TSGA10: variants seen among roughly 807,000 people sequenced by gnomAD.
The protein encoded by TSGA10 is testis-specific gene 10 protein.
In TSGA10, 43 loss-of-function variants were observed where a neutral mutation model predicts 96.6. That is an observed-to-expected ratio of 0.44 (90% CI 0.35 to 0.57). The LOEUF (loss-of-function observed/expected upper bound fraction) is 0.57. Among genes scored for constraint, TSGA10 ranks in the 20% least tolerant of loss-of-function variants. The pLI is 0.01. For synonymous variants in TSGA10, 229 were observed against 269.9 expected, an observed-to-expected ratio of 0.85 and a Z score of 1.48; for missense variants, 703 against 834.4, an observed-to-expected ratio of 0.84 and a Z score of 1.94.
chr2:99,057,404 T>C (rs1422618664), intron 16 of TSGA10, among the ~76,000 whole-genome samples: 1 of 152,154 alleles, frequency 6.6e-6, no homozygotes, highest in Non-Finnish European at 1.5e-5. Context: ...TTCAGCAAGG[T>C]TGCAGGATAC....
chr2:99,081,584 T>A (rs1445878702), intron 10 of TSGA10, among the ~76,000 whole-genome samples, 187 bp from the exon 11 acceptor site: 1 of 152,214 alleles, frequency 6.6e-6, no homozygotes, highest in Non-Finnish European at 1.5e-5. Flanking sequence ...GGATCTTCAA[T>A]CCACCACTCC....
chr2:99,031,955 A>C (rs1363024188), intron 17 of TSGA10, among the ~76,000 whole-genome samples: 3 of 152,212 alleles, frequency 2.0e-5, no homozygotes, highest in Non-Finnish European at 4.4e-5. Context: ...ATTAGCAGAG[A>C]GGTTTGACTG....
rs201138854 is a variant in TSGA10 at position 99,104,011 on chromosome 2, G to C, written c.567C>G (p.Thr189=). 9.9e-6 allele frequency: 16 copies of C among 1,613,930 alleles called. No homozygotes were observed. Among genetic ancestry groups the C allele is most frequent in the Admixed American group, 1.7e-5 (1 of 60,016 alleles). ...CTTTTTGTCTGCCAAGTTCACTTTCGGTATCCATTGCCTTTCTTGCTAGTG... is the reference window on the plus strand; with the variant it reads ...CTTTTTGTCTGCCAAGTTCACTTTCCGTATCCATTGCCTTTCTTGCTAGTG... The part of the protein sequence containing the change: ...MKSLARKAMD[T]ESELGRQKAE... The change falls in exon 10 of 21, where the codon ACC becomes ACG. Residue 189 remains threonine (T), a synonymous_variant. Transcript: ENST00000393483.
At chr2:99,005,261 T>G (rs2078354932) in intron 20 of TSGA10, among the ~76,000 whole-genome samples, 1 of 152,148 alleles carries the variant, frequency 6.6e-6, no homozygotes, top group African/African-American at 2.4e-5. Flanking sequence ...TCACCACTCT[T>G]ATTCAACATT....
At chr2:98,999,059 CTAA>C (rs1265189765) in intron 20 of TSGA10, among the ~76,000 whole-genome samples, 23 of 152,150 alleles carry the variant, frequency 1.5e-4, no homozygotes, top group African/African-American at 5.5e-4. Context: ...CCACGCCCAG[CTAA>C]TGTTTGTATT....
At chr2:99,102,464 G>C in intron 10 of TSGA10, 1 of 1,613,742 alleles carries the variant, frequency 6.2e-7, no homozygotes. Context: ...AGAAATCCTT[G>C]GTAGCCCTTG....
intron 20 of TSGA10, among the ~76,000 whole-genome samples, chr2:99,010,362 G>A (rs1336090126): frequency 4.6e-5 from 7 of 152,156 alleles, no homozygotes; most frequent in Non-Finnish European, 8.8e-5. Context: ...CATATCCTTC[G>A]AAAGAAGTGG....
At chr2:99,038,343 C>T (rs7598571) in intron 16 of TSGA10, among the ~76,000 whole-genome samples, 148 of 152,196 alleles carry the variant, frequency 9.7e-4, no homozygotes, top group African/African-American at 3.4e-3. Context: ...AAATGCTCTA[C>T]CTAAAAGACA....
rs750918485 is a variant in TSGA10, at chr2:99,020,460, G to C, written c.1637C>G (p.Ala546Gly). The C allele has an allele frequency of 2.5e-5, 41 of 1,612,716 alleles. No homozygotes were observed. The highest frequency in any genetic ancestry group is 3.4e-5 in the Non-Finnish European group (40 of 1,179,008). The change falls in exon 18 of 21, where the codon GCT (alanine) becomes GGT (glycine). Residue 546 changes from alanine to glycine, a missense_variant. Around this residue, in one of 3 missense-constraint regions of TSGA10, gnomAD observed 585 missense variants for 656.8 expected, o/e 0.89. Transcript: ENST00000393483. ...CCTCAGGAGTTCAATTTCAGAATGA[G>C]CAGAATCTAACTCATTCTCCCTCTG... Reference protein sequence around the residue: ...IEMRENELDSAHSEIELLRSQ... With the variant: ...IEMRENELDSGHSEIELLRSQ...
chr2:99,079,481 C>G (rs1288148068), intron 11 of TSGA10, among the ~76,000 whole-genome samples: 2 of 152,182 alleles, frequency 1.3e-5, no homozygotes, highest in Non-Finnish European at 2.9e-5. Flanking sequence ...CATTCTTATG[C>G]CTCCACTCCA....
At chr2:99,152,925 T>A (rs1414572203) in intron 1 of TSGA10, among the ~76,000 whole-genome samples, 1 of 152,196 alleles carries the variant, frequency 6.6e-6, no homozygotes, top group African/African-American at 2.4e-5. Flanking sequence ...CTAAAAAATA[T>A]AAATTTTGAA....
Position 99,092,869 on chromosome 2 carries a change from A to G in TSGA10, c.611+11098T>C, listed in dbSNP as rs117784616. ...CCAATTCTACTAAAACTATTCTACA[A>G]GATAAAGAGGGAATTTTCCCTAAAT... On this transcript the variant is annotated intron_variant, in intron 10 of 20. Transcript: ENST00000393483. Among the ~76,000 whole-genome samples, 137 of 152,268 alleles carry G rather than the reference A, an allele frequency of 9.0e-4. 3 individuals carry two copies. In the East Asian group the frequency reaches 0.025, roughly 27 times the overall value.
intron 14 of TSGA10, among the ~76,000 whole-genome samples, chr2:99,070,207 T>G (rs529935021): frequency 6.6e-6 from 1 of 152,310 alleles, no homozygotes; most frequent in East Asian, 1.9e-4. Flanking sequence ...AAGCTAATAA[T>G]AGCTATAAAA....
At chr2:99,052,515 G>T (rs2083496580) in intron 16 of TSGA10, among the ~76,000 whole-genome samples, 1 of 152,042 alleles carries the variant, frequency 6.6e-6, no homozygotes, top group Non-Finnish European at 1.5e-5. Flanking sequence ...TAGGAGGGCG[G>T]ATCACGAGGT....
chr2:99,018,829 A>C (rs1209015187), intron 18 of TSGA10, among the ~76,000 whole-genome samples, 189 bp from the exon 19 acceptor site: 1 of 152,180 alleles, frequency 6.6e-6, no homozygotes, highest in Non-Finnish European at 1.5e-5. Context: ...AGAGTAGCCT[A>C]CTTGAAAAGC....
intron 16 of TSGA10, among the ~76,000 whole-genome samples, chr2:99,063,414 G>T (rs2084912163): frequency 6.6e-6 from 1 of 152,116 alleles, no homozygotes. Flanking sequence ...TGTTTATACT[G>T]CAAGGAAGGT....
chr2:99,076,622 TGAGCATCACAGCAGAGAAGG>T (rs1188983498), intron 12 of TSGA10, among the ~76,000 whole-genome samples: 2 of 152,028 alleles, frequency 1.3e-5, no homozygotes, highest in Admixed American at 1.3e-4. Flanking sequence ...AAGGTTGCAA[TGAGCATCACAGCAGAGAAGG>T]GACTGTATGC....
In TSGA10 at chr2:99,059,080, T is replaced by TTATATATATATATATTTATATATTTA. The variant is rs2084355212; in HGVS notation, c.1404+5858_1404+5859insTAAATATATAAATATATATATATATA. 9.2e-5 allele frequency among the ~76,000 whole-genome samples: 5 copies of TTATATATATATATATTTATATATTTA among 54,344 alleles called. No homozygotes were observed. The South Asian group carries it at 2.5e-3, about 27-fold the overall frequency. The allele number at this position is 54,344 out of a possible 152,430, so 35.7% of individuals were successfully genotyped here. ...TATATATATATATATTTATATATTT[T>TTATATATATATATATTTATATATTTA]TATATATATATATATATGCAATCTA... On this transcript the variant is annotated intron_variant, in intron 16 of 20. Coordinates refer to ENST00000393483, the MANE Select transcript of TSGA10 (RefSeq NM_025244.4).
Position 99,020,427 on chromosome 2 carries a change from A to C in TSGA10, c.1670T>G (p.Met557Arg). The C allele has an allele frequency of 6.2e-7, 1 of 1,613,918 alleles. No homozygotes were observed. Among genetic ancestry groups the C allele is most frequent in the East Asian group, 2.2e-5 (1 of 44,822 alleles). ...HSEIELLRSQ[M>R]ANERISMQNL... The stretch of plus-strand genomic sequence containing the variant: ...CTGCATGGAGATTCTCTCATTTGCC[A>C]TCTGACTCCTCAGGAGTTCAATTTC... The change falls in exon 18 of 21, where the codon ATG (methionine) becomes AGG (arginine). Residue 557 changes from methionine to arginine, a missense_variant. Around this residue, in one of 3 missense-constraint regions of TSGA10, gnomAD observed 49 missense variants for 96.4 expected, o/e 0.51. Coordinates refer to ENST00000393483, the MANE Select transcript of TSGA10 (RefSeq NM_025244.4).
Sources: allele counts gnomAD v4.1 joint callset (sites outside exome capture counted in the v4.1 genomes callset), GRCh38; gene constraint gnomAD v4.1.1; regional missense constraint gnomAD v4.1.1; transcripts MANE v1.5; gene names NCBI Gene and HGNC (gene_info 2026-07-23, HGNC 2026-07-21).